Variants in CCDC171 observed in about 807,000 individuals in gnomAD.
CCDC171 encodes coiled-coil domain containing 171.
Under a neutral mutation model 168.2 loss-of-function variants are expected in CCDC171, and 177 were observed. The observed-to-expected ratio is 1.05, with a 90% CI of 0.93 to 1.19. The LOEUF is 1.19. CCDC171 is among the 50% of genes most tolerant of loss of function. CCDC171 has a pLI of 0.00. For synonymous variants in CCDC171, 687 were observed against 540.8 expected, an observed-to-expected ratio of 1.27 and a Z score of -3.75; for missense variants, 1,991 against 1,539.0, an observed-to-expected ratio of 1.29 and a Z score of -4.91.
At chr9:15,767,028 C>A (rs2056760796) in intron 18 of CCDC171, among the ~76,000 whole-genome samples, 1 of 151,978 alleles carries the variant, frequency 6.6e-6, no homozygotes, top group African/African-American at 2.4e-5. Flanking sequence ...TTACAGCATA[C>A]CAGGAATGAT....
At chr9:15,910,655 T>C (rs1220625358) in intron 24 of CCDC171, among the ~76,000 whole-genome samples, 1 of 152,098 alleles carries the variant, frequency 6.6e-6, no homozygotes, top group African/African-American at 2.4e-5. Context: ...CATCAACTCA[T>C]CACCTACATT....
Position 15,746,114 on chromosome 9 carries a change from C to T in CCDC171, c.2671+483C>T, listed in dbSNP as rs577433172. On this transcript the variant is annotated intron_variant, in intron 18 of 25. Coordinates refer to ENST00000380701, the MANE Select transcript of CCDC171 (RefSeq NM_173550.4). ...CTGCTCCTTTCCACCTGGTGTGGAACCACCTATTATCAGCAATTTACAAAA... is the reference window on the plus strand; with the variant it reads ...CTGCTCCTTTCCACCTGGTGTGGAATCACCTATTATCAGCAATTTACAAAA... Among the ~76,000 whole-genome samples, 12 of 152,250 alleles carry T rather than the reference C, an allele frequency of 7.9e-5. No individual in the cohort carries two copies. The South Asian group carries it at 8.3e-4, about 11-fold the overall frequency.
intron 9 of CCDC171, among the ~76,000 whole-genome samples, chr9:15,678,291 T>C (rs531409071): frequency 3.3e-5 from 5 of 152,250 alleles, no homozygotes; most frequent in Admixed American, 1.3e-4. Flanking sequence ...GAATTATTTT[T>C]GATTATTTTT....
At chr9:15,939,642 A>C (rs1827499128) in intron 25 of CCDC171, among the ~76,000 whole-genome samples, 1 of 151,832 alleles carries the variant, frequency 6.6e-6, no homozygotes, top group South Asian at 2.1e-4. Context: ...GGAGTGGGAG[A>C]AGCCTAGAGA....
chr9:16,097,290 T>C, the CCDC171 span, among the ~76,000 whole-genome samples: 1 of 152,212 alleles, frequency 6.6e-6, no homozygotes, highest in Non-Finnish European at 1.5e-5. Flanking sequence ...AGTGCCTCAC[T>C]GTATTAAGAC....
chr9:15,556,208 T>C (rs1310240025), intron 1 of CCDC171, among the ~76,000 whole-genome samples: 1 of 152,138 alleles, frequency 6.6e-6, no homozygotes, highest in Non-Finnish European at 1.5e-5. Flanking sequence ...GCTGTTAGTC[T>C]GATGGGCTTC....
At chr9:15,867,401 G>C (rs1262553993) in intron 23 of CCDC171, among the ~76,000 whole-genome samples, 1 of 151,942 alleles carries the variant, frequency 6.6e-6, no homozygotes. Flanking sequence ...GTTGAAACAT[G>C]ATCCTCTGCC....
chr9:15,676,895 C>G (rs536169744), intron 9 of CCDC171, among the ~76,000 whole-genome samples: 3 of 152,048 alleles, frequency 2.0e-5, no homozygotes, highest in Non-Finnish European at 4.4e-5. Flanking sequence ...AGTCTGGAAT[C>G]TTTAGGTGAT....
At chr9:16,073,234 T>TG in the CCDC171 span, among the ~76,000 whole-genome samples, 2 of 152,194 alleles carry the variant, frequency 1.3e-5, no homozygotes, top group African/African-American at 2.4e-5. Flanking sequence ...TGGCACAGCT[T>TG]GCACAGGAAA....
At chr9:15,700,785 T>C (rs1303393384) in intron 11 of CCDC171, among the ~76,000 whole-genome samples, 1 of 152,148 alleles carries the variant, frequency 6.6e-6, no homozygotes, top group Non-Finnish European at 1.5e-5. Context: ...CATGCCTGGC[T>C]TATTTTTAGA....
chr9:15,675,511 C>T (rs1006636905), intron 9 of CCDC171, among the ~76,000 whole-genome samples: 35 of 151,992 alleles, frequency 2.3e-4, no homozygotes, highest in African/African-American at 8.2e-4. Context: ...TGGCTGGTAC[C>T]AGTTGTTCCT....
intron 7 of CCDC171, among the ~76,000 whole-genome samples, chr9:15,625,366 G>C (rs2044975663): frequency 6.6e-6 from 1 of 152,122 alleles, no homozygotes; most frequent in Non-Finnish European, 1.5e-5. Context: ...ATTGCTTTTG[G>C]TGTTTTAGTT....
intron 21 of CCDC171, among the ~76,000 whole-genome samples, chr9:15,807,323 G>T (rs1170034930): frequency 6.6e-6 from 1 of 152,188 alleles, no homozygotes; most frequent in Non-Finnish European, 1.5e-5. Flanking sequence ...TCTTGCATTG[G>T]CTCTTGCCAT....
intron 25 of CCDC171, among the ~76,000 whole-genome samples, chr9:15,921,784 G>T (rs1536685): frequency 1.3e-5 from 2 of 151,324 alleles, no homozygotes; most frequent in Non-Finnish European, 3.0e-5. Context: ...TTAAAATTTT[G>T]GAGTATTTGG....
At chr9:15,849,333 A>G (rs746127711) in intron 23 of CCDC171, among the ~76,000 whole-genome samples, 13 of 151,060 alleles carry the variant, frequency 8.6e-5, no homozygotes, top group Non-Finnish European at 1.3e-4. Context: ...GTATATAGAG[A>G]AATATATATT....
intron 23 of CCDC171, among the ~76,000 whole-genome samples, chr9:15,863,175 C>G (rs2061631937): frequency 6.6e-6 from 1 of 152,028 alleles, no homozygotes; most frequent in South Asian, 2.1e-4. Context: ...TACGCACAGT[C>G]CAATTCCTTC....
chr9:15,654,435 T>C (rs1277134253), intron 7 of CCDC171, among the ~76,000 whole-genome samples: 3 of 152,180 alleles, frequency 2.0e-5, no homozygotes, highest in Non-Finnish European at 4.4e-5. Context: ...GATGTTTGTG[T>C]TTATGCTCTG....
chr9:15,701,121 C>T (rs913492833), intron 11 of CCDC171, among the ~76,000 whole-genome samples: 2 of 151,950 alleles, frequency 1.3e-5, no homozygotes, highest in African/African-American at 4.8e-5. Context: ...GTTTGAGTTC[C>T]TTGTGTATTC....
At chr9:15,903,308 T>C (rs2987047) in intron 24 of CCDC171, among the ~76,000 whole-genome samples, 130,260 of 152,016 alleles carry the variant, frequency 0.86, 55,882 homozygotes, top group East Asian at 0.96. Flanking sequence ...ACACCTCACA[T>C]GGCCGGGTAC....
Sources: gnomAD v4.1 joint callset for allele counts (sites outside exome capture counted in the v4.1 genomes callset) on GRCh38, gnomAD v4.1.1 for gene constraint, MANE v1.5 for transcripts, NCBI Gene and HGNC (gene_info 2026-07-23, HGNC 2026-07-21) for gene names.